Variants in EBF4 observed in about 807,000 individuals in gnomAD.
The protein encoded by EBF4 is EBF transcription factor 4, also known as transcription factor COE4.
A neutral mutation model predicts 67.1 loss-of-function variants in EBF4; 34 were observed. That is an observed-to-expected ratio of 0.51 (90% CI 0.39 to 0.67). The LOEUF is 0.67. Ranked by LOEUF, EBF4 falls within the 30% of genes least tolerant of loss-of-function variation. The probability of loss-of-function intolerance (pLI) is 0.00; values close to 1 mark genes in which losing one functional copy is unlikely to be tolerated. For missense variants in EBF4, 837 were observed against 873.3 expected (o/e 0.96, Z 0.52); for synonymous variants, 387 against 377.7 (o/e 1.02, Z -0.29).
intron 7 of EBF4, 59 bp downstream of exon 7, chr20:2,748,689 G>A: frequency 6.6e-7 from 1 of 1,519,690 alleles, no homozygotes; most frequent in Non-Finnish European, 8.9e-7. Flanking sequence ...GGAGGGGAGG[G>A]GAGGGGGAAG....
chr20:2,697,772 C>G (rs1003315125), intron 1 of EBF4, among the ~76,000 whole-genome samples: 7 of 152,150 alleles, frequency 4.6e-5, no homozygotes, highest in African/African-American at 1.7e-4. Flanking sequence ...TCCCCTGACT[C>G]CCCTGAAGAC....
exon 9 of EBF4, chr20:2,749,648 C>A: frequency 6.4e-7 from 1 of 1,565,810 alleles, no homozygotes; most frequent in Admixed American, 1.9e-5. Flanking sequence ...AGGCCATCAG[C>A]CCCGGGGAGG....
rs191694080 is a variant in EBF4 at position 2,695,106 on chromosome 20, C to T, written c.137+1324C>T. On this transcript the variant is annotated intron_variant, in intron 1 of 16. Coordinates refer to ENST00000609451, the Ensembl canonical transcript of EBF4. The stretch of plus-strand genomic sequence containing the variant: ...CTTACAATTCCACCTCCTGCCTATT[C>T]TTCTGTTGGTTCTGGCTTTTTTTTT... Among the ~76,000 whole-genome samples the T allele has an allele frequency of 5.1e-3, 763 of 149,314 alleles. 7 individuals carry two copies. The highest frequency in any genetic ancestry group is 0.025 in the Middle Eastern group (7 of 282).
intron 6 of EBF4, among the ~76,000 whole-genome samples, chr20:2,726,876 C>A (rs1017774068): frequency 6.6e-6 from 1 of 152,044 alleles, no homozygotes; most frequent in African/African-American, 2.4e-5. Flanking sequence ...CAACAGATCT[C>A]CAGAACTTTT....
intron 10 of EBF4, among the ~76,000 whole-genome samples, chr20:2,750,732 G>A (rs2088131650): frequency 6.6e-6 from 1 of 152,174 alleles, no homozygotes; most frequent in Non-Finnish European, 1.5e-5. Context: ...AACCGCATGG[G>A]GTGGGTGGGG....
chr20:2,730,322 G>T (rs1337045075), intron 6 of EBF4, among the ~76,000 whole-genome samples: 1 of 152,056 alleles, frequency 6.6e-6, no homozygotes, highest in Non-Finnish European at 1.5e-5. Context: ...CCCTGTGGCG[G>T]CATCACTCCA....
exon 9 of EBF4, chr20:2,749,676 G>T (rs1600242019): frequency 6.4e-7 from 1 of 1,567,482 alleles, no homozygotes; most frequent in East Asian, 2.4e-5. Context: ...CACGGGCGGC[G>T]CCACCGTCAT....
chr20:2,739,082 G>A lies in EBF4; in HGVS notation c.558-9467G>A, dbSNP rs540255709. Among the ~76,000 whole-genome samples the A allele has an allele frequency of 2.2e-4, 34 of 152,304 alleles. No homozygotes were observed. The highest frequency in any genetic ancestry group is 7.9e-4 in the African/African-American group (33 of 41,576). On this transcript the variant is annotated intron_variant, in intron 6 of 16. Coordinates refer to ENST00000609451, the Ensembl canonical transcript of EBF4. This position sits in a 1 kb window ranked among gnomAD's most constrained non-coding sequence, Gnocchi z 4.5. Reference sequence around the variant, plus strand: ...TACCGCAGGCTAAGACCAGGAAGCAGCCTGGGCCAACCCCACATGGGCCTG... The same window carrying A: ...TACCGCAGGCTAAGACCAGGAAGCAACCTGGGCCAACCCCACATGGGCCTG...
At chr20:2,721,178 C>T (rs1250137094) in intron 6 of EBF4, among the ~76,000 whole-genome samples, 1 of 146,802 alleles carries the variant, frequency 6.8e-6, no homozygotes, top group African/African-American at 2.5e-5. Context: ...TACCCCTCTT[C>T]TTTGGGGACT....
At chr20:2,731,957 A>C (rs16988073) in intron 6 of EBF4, among the ~76,000 whole-genome samples, 7,298 of 152,268 alleles carry the variant, frequency 0.048, 589 homozygotes, top group African/African-American at 0.16. Flanking sequence ...TATCAGTTGC[A>C]TGCTAGGTTG....
At chr20:2,705,137 T>C (rs779165441) in intron 1 of EBF4, among the ~76,000 whole-genome samples, 29 of 152,238 alleles carry the variant, frequency 1.9e-4, no homozygotes, top group Non-Finnish European at 4.0e-4. Flanking sequence ...CATGACAGCC[T>C]CAGCCTGGGC....
Position 2,752,353 on chromosome 20 carries a change from G to A in EBF4, c.1352-4G>A, listed in dbSNP as rs1160097519. On this transcript the variant is annotated splice_region_variant and splice_polypyrimidine_tract_variant and intron_variant, in intron 13 of 16. Transcript: ENST00000609451. ...CCCCCTGACGGCCGCGCTCTCTCTC[G>A]CAGGCTACGCGCGCAGCTGCAGCAG... 3 of 1,213,562 alleles carry A rather than the reference G, an allele frequency of 2.5e-6. No homozygotes were observed. Among genetic ancestry groups the A allele is most frequent in the Non-Finnish European group, 3.1e-6 (3 of 979,086 alleles). 75.2% of individuals were successfully genotyped at this position (1,213,562 alleles called of 1,614,324 possible). A position where few individuals can be genotyped will look rare whatever the true frequency, so the allele number is the denominator to read the frequency against.
intron 6 of EBF4, among the ~76,000 whole-genome samples, chr20:2,740,304 C>G (rs1426654394): frequency 6.7e-6 from 1 of 150,180 alleles, no homozygotes; most frequent in Non-Finnish European, 1.5e-5. Context: ...CAGAGCGAGA[C>G]TCCGTTTCAA....
chr20:2,712,035 G>A (rs919958125), intron 6 of EBF4, among the ~76,000 whole-genome samples: 1 of 152,194 alleles, frequency 6.6e-6, no homozygotes, highest in Non-Finnish European at 1.5e-5. Flanking sequence ...GAGCAAGGAA[G>A]GTAGTAGGAG....
At chr20:2,704,797 A>T (rs891981811) in intron 1 of EBF4, among the ~76,000 whole-genome samples, 1 of 152,130 alleles carries the variant, frequency 6.6e-6, no homozygotes, top group South Asian at 2.1e-4. Context: ...AGTTGTTGCC[A>T]TGTGTCCAGT....
intron 6 of EBF4, among the ~76,000 whole-genome samples, chr20:2,712,318 T>C (rs2087554995): frequency 6.6e-6 from 1 of 152,102 alleles, no homozygotes; most frequent in Non-Finnish European, 1.5e-5. Context: ...AGACTAGGGA[T>C]GCTATAGGGG....
At chr20:2,697,653 C>T (rs1327151073) in intron 1 of EBF4, among the ~76,000 whole-genome samples, 1 of 152,108 alleles carries the variant, frequency 6.6e-6, no homozygotes, top group East Asian at 1.9e-4. Context: ...GCTGCCCTCT[C>T]CCTACCAATG....
In EBF4 at chr20:2,751,899, G is replaced by T. The variant is rs762104164; in HGVS notation, c.1108-23G>T. On this transcript the variant is annotated intron_variant, in intron 11 of 16. Transcript: ENST00000609451. The surrounding 1 kb of genome is among the most constrained non-coding windows in gnomAD (Gnocchi z 5.2). ...CCCCCAGGGGCTGCCCCTCCGTCCC[G>T]CTGTCTCTCCCCCTGTCCCCAGGAA... 2 of 1,541,416 alleles carry T rather than the reference G, an allele frequency of 1.3e-6. No individual in the cohort carries two copies. The highest frequency in any genetic ancestry group is 1.8e-6 in the Non-Finnish European group (2 of 1,140,316).
chr20:2,697,591 G>C (rs146305067), intron 1 of EBF4, among the ~76,000 whole-genome samples: 1 of 151,804 alleles, frequency 6.6e-6, no homozygotes, highest in East Asian at 1.9e-4. Context: ...GAGCAGAGGG[G>C]CTGCATACCC....
Sources: allele counts gnomAD v4.1 joint callset (sites outside exome capture counted in the v4.1 genomes callset), GRCh38; gene constraint gnomAD v4.1.1; non-coding constraint Gnocchi (gnomAD v3.1); transcripts MANE v1.5; gene names NCBI Gene and HGNC (gene_info 2026-07-23, HGNC 2026-07-21).